The following LRBA variants were observed in gnomAD, a reference collection of about 807,000 sequenced individuals.
LRBA encodes the protein LPS responsive beige-like anchor protein.
LRBA carries 176 observed loss-of-function variants against 330.0 expected under a neutral mutation model. The observed-to-expected ratio is 0.53, with a 90% CI of 0.47 to 0.60. LRBA has a LOEUF of 0.60. Among genes scored for constraint, LRBA ranks in the 20% least tolerant of loss-of-function variants. The pLI is 0.00. For missense variants in LRBA, 3,259 were observed against 3,444.8 expected, an observed-to-expected ratio of 0.95 and a Z score of 1.35; for synonymous variants, 1,230 against 1,193.0, an observed-to-expected ratio of 1.03 and a Z score of -0.64.
chr4:150,882,847 G>T (rs1430743968), intron 17 of LRBA, among the ~76,000 whole-genome samples: 3 of 152,148 alleles, frequency 2.0e-5, no homozygotes, highest in Admixed American at 1.3e-4. Flanking sequence ...TCTAAGGAAG[G>T]ATAAGTCTTC....
chr4:150,564,117 G>A (rs924273895), intron 40 of LRBA, among the ~76,000 whole-genome samples: 12 of 152,032 alleles, frequency 7.9e-5, no homozygotes, highest in Admixed American at 3.9e-4. Context: ...GAGGCATCAT[G>A]CTACCTGACT....
chr4:150,562,283 T>C (rs1044272730), intron 40 of LRBA, among the ~76,000 whole-genome samples: 25 of 152,196 alleles, frequency 1.6e-4, no homozygotes, highest in African/African-American at 4.1e-4. Flanking sequence ...TTTCCAGGGA[T>C]ATTTCTCCCT....
At chr4:150,991,969 G>A (rs1403926708) in intron 2 of LRBA, among the ~76,000 whole-genome samples, 1 of 152,194 alleles carries the variant, frequency 6.6e-6, no homozygotes, top group Admixed American at 6.5e-5. Context: ...AATAAAGTCT[G>A]TCTCAGAGTG....
Position 150,491,047 on chromosome 4 carries a change from A to G in LRBA, c.6331-12T>C. 2 of 1,355,582 alleles carry G rather than the reference A, an allele frequency of 1.5e-6. No homozygotes were observed. Among genetic ancestry groups the G allele is most frequent in the Non-Finnish European group, 2.1e-6 (2 of 968,462 alleles). 84.0% of individuals were successfully genotyped at this position (1,355,582 alleles called of 1,614,324 possible). A position where few individuals can be genotyped will look rare whatever the true frequency, so the allele number is the denominator to read the frequency against. On this transcript the variant is annotated splice_polypyrimidine_tract_variant and intron_variant, in intron 40 of 56. Coordinates refer to ENST00000651943, the MANE Select transcript of LRBA (RefSeq NM_001364905.1). ...GTATATGCCAAGATCTAATGAGGAA[A>G]AAAATAATCCCAGGTAAGTAACAAT...
chr4:150,656,948 A>C (rs1388197054), intron 37 of LRBA, among the ~76,000 whole-genome samples: 1 of 152,228 alleles, frequency 6.6e-6, no homozygotes, highest in Non-Finnish European at 1.5e-5. Flanking sequence ...AACATATAAA[A>C]AGGCAAATAT....
chr4:150,516,215 C>CTTT lies in LRBA; in HGVS notation c.6331-25181_6331-25180insAAA, dbSNP rs1384014823. Among the ~76,000 whole-genome samples the CTTT allele has an allele frequency of 4.7e-4, 41 of 86,714 alleles. 2 individuals are homozygous for CTTT. Among genetic ancestry groups the CTTT allele is most frequent in the African/African-American group, 1.4e-3 (31 of 21,806 alleles). The allele number at this position is 86,714 out of a possible 152,430, so 56.9% of individuals were successfully genotyped here. A position where few individuals can be genotyped will look rare whatever the true frequency, so the allele number is the denominator to read the frequency against. On this transcript the variant is annotated intron_variant, in intron 40 of 56. Transcript: ENST00000651943. ...GTAATTCAGTCTGACATTTTCTATT[C>CTTT]TCTTTTTTTTTTTTTTTTTTTTTTT...
In LRBA at chr4:150,487,719, T is replaced by C. The variant is rs767562480; in HGVS notation, c.6551+13A>G. The C allele has an allele frequency of 1.3e-6, 2 of 1,537,468 alleles. No individual in the cohort carries two copies. The highest frequency in any genetic ancestry group is 1.8e-6 in the Non-Finnish European group (2 of 1,118,384). On this transcript the variant is annotated intron_variant, in intron 42 of 56. Transcript: ENST00000651943. The stretch of plus-strand genomic sequence containing the variant: ...CACTTTACTTTCCCTAAGTTTCTCA[T>C]ATAAAACAGTACCTGGTTTGAGGCA...
At chr4:150,611,210 A>T (rs1775223604) in intron 37 of LRBA, among the ~76,000 whole-genome samples, 1 of 152,198 alleles carries the variant, frequency 6.6e-6, no homozygotes, top group African/African-American at 2.4e-5. Flanking sequence ...GAGGATGGGA[A>T]CTAAAATTTA....
intron 44 of LRBA, among the ~76,000 whole-genome samples, chr4:150,463,738 A>C (rs1234434505): frequency 6.6e-6 from 1 of 152,000 alleles, no homozygotes; most frequent in Admixed American, 6.6e-5. Context: ...GATTTTAATA[A>C]AGGATTCTGT....
intron 40 of LRBA, among the ~76,000 whole-genome samples, chr4:150,513,599 G>T (rs536902833): frequency 6.6e-6 from 1 of 152,138 alleles, no homozygotes; most frequent in African/African-American, 2.4e-5. Flanking sequence ...TCTGGAGGCT[G>T]GGAAGTCCAA....
chr4:150,599,124 G>A lies in LRBA; in HGVS notation c.5929C>T (p.Leu1977Phe). ...AWGNSAVSRPLEFWRLDYWED... is the reference protein window; with the variant it reads ...AWGNSAVSRPFEFWRLDYWED... ...CAGTAGTCAAGGCGCCAGAACTCAA[G>A]AGGACGACTACAATGAAACAGAGAA... is the stretch of plus-strand genomic sequence containing the variant. The change falls in exon 38 of 57, where the codon CTT becomes TTT. Residue 1977 changes from leucine (L) to phenylalanine (F), a missense_variant. Coordinates refer to ENST00000651943, the MANE Select transcript of LRBA (RefSeq NM_001364905.1). 6.2e-7 allele frequency: 1 copy of A among 1,614,026 alleles called. No individual in the cohort carries two copies. The highest frequency in any genetic ancestry group is 8.5e-7 in the Non-Finnish European group (1 of 1,179,936).
At chr4:150,900,279 A>G (rs1449358492) in intron 13 of LRBA, 62 bp from the exon 14 acceptor site, 8 of 1,229,378 alleles carry the variant, frequency 6.5e-6, no homozygotes, top group Non-Finnish European at 8.1e-6. Context: ...TTCCAGTAAC[A>G]CTTCCAGGCT....
At position 150,624,531 on chromosome 4, in the gene LRBA, C is replaced by T. The variant is rs540538605; in HGVS notation, c.5922-25400G>A. The stretch of plus-strand genomic sequence containing the variant: ...TATGAACAGGAAAAACATATCAAAC[C>T]TAAAGTTATCCAAAGAGAAGAAAAA... On this transcript the variant is annotated intron_variant, in intron 37 of 56. Coordinates refer to ENST00000651943, the MANE Select transcript of LRBA (RefSeq NM_001364905.1). Among the ~76,000 whole-genome samples, 5 of 152,094 alleles carry T rather than the reference C, an allele frequency of 3.3e-5. No homozygotes were observed. In the South Asian group the frequency reaches 1.0e-3, roughly 32 times the overall value.
At chr4:150,960,060 G>T (rs1737974032) in intron 2 of LRBA, among the ~76,000 whole-genome samples, 1 of 148,266 alleles carries the variant, frequency 6.7e-6, no homozygotes, top group Non-Finnish European at 1.5e-5. Flanking sequence ...GCTTATCTAT[G>T]TATTAACTGT....
At chr4:150,456,599 C>T (rs970101920) in intron 44 of LRBA, among the ~76,000 whole-genome samples, 1 of 152,086 alleles carries the variant, frequency 6.6e-6, no homozygotes, top group Admixed American at 6.6e-5. Context: ...GAGTGGTTTG[C>T]TAATATTTTC....
chr4:150,960,666 T>A (rs1353873047), intron 2 of LRBA, among the ~76,000 whole-genome samples: 1 of 149,184 alleles, frequency 6.7e-6, no homozygotes, highest in East Asian at 1.9e-4. Context: ...AAATTCTATT[T>A]CTTGACCTAC....
At chr4:150,805,285 G>GAAGGA (rs70941449) in intron 33 of LRBA, among the ~76,000 whole-genome samples, 8,755 of 39,152 alleles carry the variant, frequency 0.22, 1,645 homozygotes, top group East Asian at 0.28. Context: ...AAGGAAAGGA[G>GAAGGA]AAGGAAAGGA....
rs762013388 is a variant in LRBA at position 150,590,756 on chromosome 4, A to T, written c.6150T>A (p.Asp2050Glu). The T allele has an allele frequency of 4.0e-5, 64 of 1,613,976 alleles. No individual in the cohort carries two copies. Among genetic ancestry groups the T allele is most frequent in the Non-Finnish European group, 5.1e-5 (60 of 1,179,962 alleles). ...CTTTCTCATCCACGGATGACAGAGT[A>T]TCATCATCGCCTTCCAGGAGGATCT... The part of the protein sequence containing the change: ...ENEILLEGDD[D>E]TLSSVDEKDL... Residue 2050 changes from aspartate to glutamate, a missense_variant, in exon 39 of 57, where the codon GAT (aspartate) becomes GAA (glutamate). Transcript: ENST00000651943.
chr4:150,686,828 A>C (rs1381202937), intron 36 of LRBA, among the ~76,000 whole-genome samples: 1 of 152,156 alleles, frequency 6.6e-6, no homozygotes, highest in Non-Finnish European at 1.5e-5. Context: ...TCTTATTAAT[A>C]TATTAATTTA....
Sources: gnomAD v4.1 joint callset for allele counts (sites outside exome capture counted in the v4.1 genomes callset) on GRCh38, gnomAD v4.1.1 for gene constraint, MANE v1.5 for transcripts, NCBI Gene and HGNC (gene_info 2026-07-23, HGNC 2026-07-21) for gene names.